Variants in PDE3A observed in about 807,000 individuals in gnomAD.
PDE3A encodes the protein cGMP-inhibited 3',5'-cyclic phosphodiesterase 3A.
PDE3A carries 43 observed loss-of-function variants against 98.3 expected under a neutral mutation model. The ratio of observed to expected loss-of-function variants is 0.44; its 90% CI spans 0.34 to 0.56. The LOEUF (loss-of-function observed/expected upper bound fraction) is 0.56. Among genes scored for constraint, PDE3A ranks in the 20% least tolerant of loss-of-function variants. The probability of loss-of-function intolerance (pLI) is 0.01; values close to 1 mark genes in which losing one functional copy is unlikely to be tolerated. For missense variants in PDE3A, 1,427 were observed against 1,440.7 expected, an observed-to-expected ratio of 0.99 and a Z score of 0.15; for synonymous variants, 663 against 567.9, an observed-to-expected ratio of 1.17 and a Z score of -2.38.
At chr12:20,517,826 C>T (rs1023477156) in intron 1 of PDE3A, among the ~76,000 whole-genome samples, 1 of 152,180 alleles carries the variant, frequency 6.6e-6, no homozygotes, top group Non-Finnish European at 1.5e-5. Flanking sequence ...ACACCAATCT[C>T]TCGCTAACTT....
At chr12:20,562,506 C>A (rs1310174422) in intron 2 of PDE3A, among the ~76,000 whole-genome samples, 1 of 131,828 alleles carries the variant, frequency 7.6e-6, no homozygotes, top group Non-Finnish European at 1.6e-5. Flanking sequence ...GTGTGAGCCA[C>A]CGTGCCCAGC....
At chr12:20,643,999 G>GC (rs772222509) in intron 10 of PDE3A, among the ~76,000 whole-genome samples, 63 of 152,060 alleles carry the variant, frequency 4.1e-4, no homozygotes, top group Non-Finnish European at 8.1e-4. Context: ...CTGTGATACT[G>GC]CCCCCCATCC....
At chr12:20,470,035 C>T (rs1051585831) in intron 1 of PDE3A, among the ~76,000 whole-genome samples, 1 of 152,052 alleles carries the variant, frequency 6.6e-6, no homozygotes, top group African/African-American at 2.4e-5. Flanking sequence ...ACTTCTATCT[C>T]CAAGTCTTCC....
intron 1 of PDE3A, among the ~76,000 whole-genome samples, chr12:20,414,266 A>C (rs925753829): frequency 1.3e-5 from 2 of 152,238 alleles, no homozygotes; most frequent in African/African-American, 4.8e-5. Context: ...GCTTGTAGAA[A>C]AAGAAGCACT....
chr12:20,625,277 C>T (rs1039423786), intron 5 of PDE3A, among the ~76,000 whole-genome samples: 1 of 152,112 alleles, frequency 6.6e-6, no homozygotes, highest in African/African-American at 2.4e-5. Context: ...TTTTGCTCTT[C>T]TAGTATGAGT....
chr12:20,517,967 G>A (rs1411068992), intron 1 of PDE3A, among the ~76,000 whole-genome samples: 2 of 152,092 alleles, frequency 1.3e-5, no homozygotes, highest in South Asian at 2.1e-4. Context: ...GTGGTCCAAG[G>A]CACATTTTGA....
intron 2 of PDE3A, among the ~76,000 whole-genome samples, chr12:20,563,413 A>G (rs1942578488): frequency 7.0e-6 from 1 of 142,330 alleles, no homozygotes; most frequent in African/African-American, 2.6e-5. Context: ...GTTCCAAGGG[A>G]TTAATGTGAG....
intron 1 of PDE3A, among the ~76,000 whole-genome samples, chr12:20,443,310 T>G (rs1175819429): frequency 1.3e-5 from 2 of 152,170 alleles, no homozygotes; most frequent in Non-Finnish European, 2.9e-5. Flanking sequence ...ACTGTATTCC[T>G]AACTCCTAAC....
intron 13 of PDE3A, 93 bp downstream of exon 13, chr12:20,648,984 G>C (rs973570118): frequency 1.3e-6 from 1 of 779,766 alleles, no homozygotes; most frequent in South Asian, 1.8e-5. Flanking sequence ...GGAGTGCAGT[G>C]GCACGATCTT....
chr12:20,370,040 C>T lies in PDE3A; in HGVS notation c.756C>T (p.Ala252=). ...YLAGVLGILL[A]RYVEQILPQS... ...CCGGCGTGCTGGGGATCCTCTTGGC[C>T]AGGTACGTGGAACAAATCTTGCCGC... The change falls in exon 1 of 16, where the codon GCC becomes GCT. Residue 252 remains alanine, a synonymous_variant. Transcript: ENST00000359062. 1 of 1,612,918 alleles carries T rather than the reference C, an allele frequency of 6.2e-7. No homozygotes were observed. Among genetic ancestry groups the T allele is most frequent in the South Asian group, 1.1e-5 (1 of 91,064 alleles).
At chr12:20,504,655 G>A (rs1224418119) in intron 1 of PDE3A, among the ~76,000 whole-genome samples, 1 of 151,900 alleles carries the variant, frequency 6.6e-6, no homozygotes, top group Non-Finnish European at 1.5e-5. Context: ...GCTTCTAGAG[G>A]CTGCCCAAGT....
At chr12:20,490,133 T>C (rs1000185397) in intron 1 of PDE3A, among the ~76,000 whole-genome samples, 1 of 152,170 alleles carries the variant, frequency 6.6e-6, no homozygotes, top group Non-Finnish European at 1.5e-5. Context: ...ATTGAAAGAA[T>C]TGAAGAAGAA....
chr12:20,606,419 A>G (rs1943709591), intron 2 of PDE3A, among the ~76,000 whole-genome samples: 1 of 152,198 alleles, frequency 6.6e-6, no homozygotes, highest in African/African-American at 2.4e-5. Context: ...AATTTTTCAT[A>G]GTTTGCAACT....
At chr12:20,503,934 A>G (rs760656557) in intron 1 of PDE3A, among the ~76,000 whole-genome samples, 1 of 152,140 alleles carries the variant, frequency 6.6e-6, no homozygotes, top group Non-Finnish European at 1.5e-5. Flanking sequence ...AAAAGAAAAT[A>G]CCATGACAAC....
At chr12:20,503,267 G>A (rs971838083) in intron 1 of PDE3A, among the ~76,000 whole-genome samples, 45 of 151,666 alleles carry the variant, frequency 3.0e-4, no homozygotes, top group African/African-American at 9.9e-4. Flanking sequence ...ATGAAATTTG[G>A]TTTCTATACT....
chr12:20,491,572 A>G (rs1255318264), intron 1 of PDE3A, among the ~76,000 whole-genome samples: 1 of 152,174 alleles, frequency 6.6e-6, no homozygotes, highest in Non-Finnish European at 1.5e-5. Context: ...TTTGGTCACT[A>G]GGGGGACTTT....
chr12:20,569,391 G>A (rs1942739494), intron 2 of PDE3A, among the ~76,000 whole-genome samples: 7 of 151,938 alleles, frequency 4.6e-5, no homozygotes. Context: ...TATTTTAAAA[G>A]TTTATTTATT....
chr12:20,668,359 G>GGCCT (rs1945377315), intron 15 of PDE3A, among the ~76,000 whole-genome samples: 1 of 152,142 alleles, frequency 6.6e-6, no homozygotes, highest in African/African-American at 2.4e-5. Context: ...AGCTCAAGGA[G>GGCCT]GCCTGCCTGC....
In PDE3A at chr12:20,646,816, G is replaced by A. The variant is rs1364842181; in HGVS notation, c.2431G>A (p.Asp811Asn). The A allele has an allele frequency of 1.2e-6, 2 of 1,611,742 alleles. No individual in the cohort carries two copies. Among genetic ancestry groups the A allele is most frequent in the South Asian group, 2.2e-5 (2 of 91,034 alleles). ...ATTCTCAAAAACGTATAATGTGACA[G>A]ATGATAAATACGGATGTCTGTCTGG... ...YVFSKTYNVT[D>N]DKYGCLSGNI... The change falls in exon 12 of 16, where the codon GAT becomes AAT. Residue 811 changes from aspartate to asparagine, a missense_variant. By Grantham distance (23) the Asp-to-Asn change is conservative (BLOSUM62 1). Around this residue, in one of 3 missense-constraint regions of PDE3A, gnomAD observed 273 missense variants for 420.3 expected, o/e 0.65. Transcript: ENST00000359062.
Sources: gnomAD v4.1 joint callset for allele counts (sites outside exome capture counted in the v4.1 genomes callset) on GRCh38, gnomAD v4.1.1 for gene constraint, gnomAD v4.1.1 regional missense constraint, MANE v1.5 for transcripts, NCBI Gene and HGNC (gene_info 2026-07-23, HGNC 2026-07-21) for gene names.